Variants in OVOL2 observed in about 807,000 individuals in gnomAD.
The protein encoded by OVOL2 is ovo like zinc finger 2.
OVOL2 carries 13 observed loss-of-function variants against 18.1 expected under a neutral mutation model. The observed-to-expected ratio is 0.72, with a 90% CI of 0.47 to 1.14. The LOEUF is 1.14. OVOL2 is among the 50% of genes most tolerant of loss of function. The probability of loss-of-function intolerance (pLI) is 0.00; values close to 1 mark genes in which losing one functional copy is unlikely to be tolerated. For missense variants in OVOL2, 335 were observed against 383.0 expected, an observed-to-expected ratio of 0.87 and a Z score of 1.05; for synonymous variants, 166 against 162.7, an observed-to-expected ratio of 1.02 and a Z score of -0.16.
At chr20:18,042,512 C>T (rs2036681701) in intron 2 of OVOL2, among the ~76,000 whole-genome samples, 2 of 151,994 alleles carry the variant, frequency 1.3e-5, no homozygotes, top group African/African-American at 4.8e-5. Flanking sequence ...CGCGGCGTCT[C>T]ATGCCTGTAA....
chr20:18,035,679 C>T (rs1172420457), intron 3 of OVOL2, among the ~76,000 whole-genome samples: 1 of 152,164 alleles, frequency 6.6e-6, no homozygotes, highest in African/African-American at 2.4e-5. Context: ...GTCAGGAAGC[C>T]CCCGGCTGCT....
At chr20:18,036,544 G>A (rs1452792178) in intron 3 of OVOL2, among the ~76,000 whole-genome samples, 1 of 152,076 alleles carries the variant, frequency 6.6e-6, no homozygotes, top group Non-Finnish European at 1.5e-5. Flanking sequence ...TTGGGAAAAC[G>A]TCAGGTGGAA....
intron 3 of OVOL2, among the ~76,000 whole-genome samples, chr20:18,028,774 T>C (rs192438095): frequency 3.4e-4 from 51 of 151,902 alleles, no homozygotes; most frequent in African/African-American, 1.1e-3. Flanking sequence ...GCCTGGGCAA[T>C]AGAGCGAGAC....
chr20:18,052,442 A>T, intron 2 of OVOL2, among the ~76,000 whole-genome samples: 1 of 152,172 alleles, frequency 6.6e-6, no homozygotes, highest in East Asian at 1.9e-4. Flanking sequence ...TGAACTATTT[A>T]TGGTTGAAAT....
intron 3 of OVOL2, among the ~76,000 whole-genome samples, chr20:18,028,583 G>A (rs188396291): frequency 5.9e-5 from 9 of 152,036 alleles, no homozygotes; most frequent in East Asian, 1.9e-4. Flanking sequence ...GCCTGAGGTC[G>A]GGAGTTCGAG....
chr20:18,032,443 A>G (rs142736900), intron 3 of OVOL2, among the ~76,000 whole-genome samples: 5 of 152,204 alleles, frequency 3.3e-5, no homozygotes, highest in Middle Eastern at 3.4e-3. Flanking sequence ...AATGTCATCA[A>G]TTGAGGAATA....
At chr20:18,032,715 CA>C (rs1483805759) in intron 3 of OVOL2, among the ~76,000 whole-genome samples, 17 of 152,096 alleles carry the variant, frequency 1.1e-4, no homozygotes, top group Non-Finnish European at 2.4e-4. Flanking sequence ...CCATGCTGGC[CA>C]GGCCGGTCTC....
At chr20:18,036,460 C>T (rs1290040099) in intron 3 of OVOL2, among the ~76,000 whole-genome samples, 1 of 152,166 alleles carries the variant, frequency 6.6e-6, no homozygotes, top group Non-Finnish European at 1.5e-5. Flanking sequence ...CCAGCCAGCA[C>T]ACCTCTAGGT....
intron 2 of OVOL2, among the ~76,000 whole-genome samples, chr20:18,043,627 T>C (rs1443292047): frequency 3.3e-5 from 5 of 152,114 alleles, no homozygotes; most frequent in African/African-American, 4.8e-5. Flanking sequence ...GCCTATGGCT[T>C]TTGTCTTGAC....
In OVOL2 at chr20:18,029,816, A is replaced by G. The variant is rs1222507779; in HGVS notation, c.512-4864T>C. 2.0e-5 allele frequency among the ~76,000 whole-genome samples: 3 copies of G among 152,012 alleles called. No individual in the cohort carries two copies. In the East Asian group the frequency reaches 5.8e-4, roughly 29 times the overall value. ...AACATGGGGAGATCCCTGTCTTTAC[A>G]AAAAAGTAAAAAATTAGCTGGGCAT... On this transcript the variant is annotated intron_variant, in intron 3 of 3. Coordinates refer to ENST00000278780, the MANE Select transcript of OVOL2 (RefSeq NM_021220.4).
chr20:18,049,219 A>G (rs1254549203), intron 2 of OVOL2, among the ~76,000 whole-genome samples: 1 of 152,188 alleles, frequency 6.6e-6, no homozygotes, highest in African/African-American at 2.4e-5. Context: ...GGCAGAACAA[A>G]CCAATCATTG....
At chr20:18,040,771 T>C (rs2036660657) in intron 3 of OVOL2, among the ~76,000 whole-genome samples, 1 of 152,180 alleles carries the variant, frequency 6.6e-6, no homozygotes, top group African/African-American at 2.4e-5. Flanking sequence ...CAGGCTCCAG[T>C]ACGAGGCTCG....
intron 3 of OVOL2, among the ~76,000 whole-genome samples, chr20:18,035,800 T>C (rs11908066): frequency 0.041 from 6,186 of 152,234 alleles, 424 homozygotes; most frequent in African/African-American, 0.14. Context: ...CCTTTAAGTG[T>C]CAAAATGATG....
Position 18,041,651 on chromosome 20 carries a change from G to A in OVOL2, c.394C>T (p.Arg132Cys), listed in dbSNP as rs755606955. 13 of 1,613,946 alleles carry A rather than the reference G, an allele frequency of 8.1e-6. No homozygotes were observed. Among genetic ancestry groups the A allele is most frequent in the African/African-American group, 4.0e-5 (3 of 74,898 alleles). ...CACTTGAGGTGACGGTTCAGCATGC[G>A]CTGCAGACGGAAGCCCTTGCCACAC... is the stretch of plus-strand genomic sequence containing the variant. ...DLCGKGFRLQ[R>C]MLNRHLKCHN... The change falls in exon 3 of 4, where the codon CGC becomes TGC. Residue 132 changes from arginine to cysteine, a missense_variant. Physicochemically the swap from Arg to Cys is radical, Grantham distance 180 (BLOSUM62 -3). Coordinates refer to ENST00000278780, the MANE Select transcript of OVOL2 (RefSeq NM_021220.4).
chr20:18,024,991 T>C (rs913806737), intron 3 of OVOL2, 39 bp from the exon 4 acceptor site: 30 of 1,577,438 alleles, frequency 1.9e-5, no homozygotes, highest in Non-Finnish European at 2.6e-5. Context: ...CGGTTGGTCA[T>C]GGCCAAGCCA....
chr20:18,052,167 C>T (rs2036776775), intron 2 of OVOL2, among the ~76,000 whole-genome samples: 1 of 152,256 alleles, frequency 6.6e-6, no homozygotes, highest in Middle Eastern at 3.4e-3. Context: ...CATGGTGATG[C>T]GCTCAGCAAA....
At chr20:18,054,867 A>G (rs2036805076) in intron 2 of OVOL2, among the ~76,000 whole-genome samples, 1 of 152,210 alleles carries the variant, frequency 6.6e-6, no homozygotes, top group Non-Finnish European at 1.5e-5. Context: ...TTATAATTAT[A>G]CAACGTGCTA....
rs748207353 is a variant in OVOL2 at position 18,056,751 on chromosome 20, G to C, written c.227C>G (p.Ala76Gly). 1 of 1,494,054 alleles carries C rather than the reference G, an allele frequency of 6.7e-7. No homozygotes were observed. Among genetic ancestry groups the C allele is most frequent in the African/African-American group, 1.5e-5 (1 of 68,550 alleles). 92.5% of individuals were successfully genotyped at this position (1,494,054 alleles called of 1,614,324 possible). A position where few individuals can be genotyped will look rare whatever the true frequency, so the allele number is the denominator to read the frequency against. ...GGAESSSSPHAPESETPEPGD... is the reference protein window; with the variant it reads ...GGAESSSSPHGPESETPEPGD... Reference sequence around the variant, plus strand: ...GGGCTCGGGGGTTTCGCTCTCGGGGGCGTGCGGGGACGAGCTGCTCTCTGC... The same window carrying C: ...GGGCTCGGGGGTTTCGCTCTCGGGGCCGTGCGGGGACGAGCTGCTCTCTGC... Residue 76 changes from alanine (A) to glycine (G), a missense_variant, in exon 2 of 4, where the codon GCC (alanine) becomes GGC (glycine). Coordinates refer to ENST00000278780, the MANE Select transcript of OVOL2 (RefSeq NM_021220.4). The surrounding 1 kb of genome is among the most constrained non-coding windows in gnomAD (Gnocchi z 4.2).
At chr20:18,051,811 C>T (rs1568639867) in intron 2 of OVOL2, among the ~76,000 whole-genome samples, 1 of 152,174 alleles carries the variant, frequency 6.6e-6, no homozygotes, top group Non-Finnish European at 1.5e-5. Context: ...TGGCTCACTG[C>T]AATCTCCACC....
Sources: allele counts gnomAD v4.1 joint callset (sites outside exome capture counted in the v4.1 genomes callset), GRCh38; gene constraint gnomAD v4.1.1; non-coding constraint Gnocchi (gnomAD v3.1); transcripts MANE v1.5; gene names NCBI Gene and HGNC (gene_info 2026-07-23, HGNC 2026-07-21).